The following NBEA variants were observed in gnomAD, a reference collection of about 807,000 sequenced individuals.
The protein encoded by NBEA is neurobeachin, also known as lysosomal-trafficking regulator 2.
A neutral mutation model predicts 343.4 loss-of-function variants in NBEA; 44 were observed. That is an observed-to-expected ratio of 0.13 (90% confidence interval 0.10 to 0.16). The LOEUF is 0.16. Among genes scored for constraint, NBEA ranks in the 10% least tolerant of loss-of-function variants. NBEA has a pLI of 1.00. For synonymous variants in NBEA, 1,175 were observed against 1,238.7 expected (o/e 0.95, Z 1.08); for missense variants, 2,555 against 3,631.3 (o/e 0.70, Z 7.62).
intron 51 of NBEA, among the ~76,000 whole-genome samples, chr13:35,647,893 T>A (rs1201668922): frequency 6.6e-6 from 1 of 152,050 alleles, no homozygotes; most frequent in Non-Finnish European, 1.5e-5. Flanking sequence ...AATTTTTTTT[T>A]AAGATAGGGT....
intron 38 of NBEA, among the ~76,000 whole-genome samples, chr13:35,371,727 T>C (rs966894874): frequency 6.6e-6 from 1 of 152,204 alleles, no homozygotes; most frequent in Admixed American, 6.5e-5. Flanking sequence ...CTGGTATAAT[T>C]GATGCTACTT....
rs2034553841 is a variant in NBEA at position 35,275,965 on chromosome 13, C to T, written c.5777-14424C>T. On this transcript the variant is annotated intron_variant, in intron 34 of 58. Transcript: ENST00000379939. ...TATATACCTATGTAACAAACCTGCA[C>T]GTTGTGTACCTGTACCCTAGAACTT... Among the ~76,000 whole-genome samples the T allele has an allele frequency of 2.0e-5, 3 of 151,964 alleles. No individual in the cohort carries two copies. The South Asian group carries it at 6.2e-4, about 32-fold the overall frequency.
intron 41 of NBEA, among the ~76,000 whole-genome samples, chr13:35,492,824 GA>G (rs1337361941): frequency 1.3e-5 from 2 of 151,834 alleles, no homozygotes. Context: ...TAAGCTTCAA[GA>G]AGGGACTTAG....
At chr13:35,320,321 T>C (rs958958130) in intron 36 of NBEA, among the ~76,000 whole-genome samples, 1 of 152,248 alleles carries the variant, frequency 6.6e-6, no homozygotes, top group African/African-American at 2.4e-5. Flanking sequence ...CATTTGCTTT[T>C]CTGTAAAGGA....
intron 18 of NBEA, among the ~76,000 whole-genome samples, chr13:35,147,325 A>G (rs1045170008): frequency 2.0e-5 from 3 of 152,218 alleles, no homozygotes; most frequent in Non-Finnish European, 4.4e-5. Flanking sequence ...TATCTCCCCA[A>G]GTTAACTCAA....
chr13:35,295,995 C>T (rs2036102693), intron 35 of NBEA, among the ~76,000 whole-genome samples: 1 of 152,146 alleles, frequency 6.6e-6, no homozygotes, highest in African/African-American at 2.4e-5. Flanking sequence ...AATACTCACA[C>T]ATCACATAAC....
intron 36 of NBEA, among the ~76,000 whole-genome samples, chr13:35,330,817 G>T (rs1212245903): frequency 1.3e-5 from 2 of 151,982 alleles, no homozygotes; most frequent in Admixed American, 6.6e-5. Context: ...AGAGGGGAAA[G>T]TCTCTAGTGT....
At chr13:35,478,117 AG>A (rs1406199010) in intron 41 of NBEA, among the ~76,000 whole-genome samples, 2 of 152,230 alleles carry the variant, frequency 1.3e-5, no homozygotes. Context: ...GATATTCTTC[AG>A]GGCTCCCACT....
chr13:35,215,263 A>C (rs1593782331), intron 33 of NBEA, among the ~76,000 whole-genome samples: 1 of 151,700 alleles, frequency 6.6e-6, no homozygotes, highest in African/African-American at 2.4e-5. Context: ...TGAGTATTCA[A>C]ACTTTTGAAA....
intron 38 of NBEA, among the ~76,000 whole-genome samples, chr13:35,357,506 G>A (rs927917954): frequency 2.6e-5 from 4 of 151,930 alleles, no homozygotes; most frequent in African/African-American, 9.7e-5. Context: ...ATGTCCATGT[G>A]TTCTCATCAT....
At position 35,224,912 on chromosome 13, in the gene NBEA, G is replaced by A. The variant is rs1175725125; in HGVS notation, c.5649-7580G>A. ...CCTTATGCTAAGGCTTTTGTGAGAG[G>A]GGTTGAGTCATTTTAGTCTGGAATT... is the stretch of plus-strand genomic sequence containing the variant. On this transcript the variant is annotated intron_variant, in intron 33 of 58. Coordinates refer to ENST00000379939, the MANE Select transcript of NBEA (RefSeq NM_001385012.1). 6.6e-5 allele frequency among the ~76,000 whole-genome samples: 10 copies of A among 152,090 alleles called. No homozygotes were observed. In the East Asian group the frequency reaches 1.9e-3, roughly 29 times the overall value.
intron 35 of NBEA, among the ~76,000 whole-genome samples, chr13:35,297,118 T>C (rs2036185350): frequency 6.6e-6 from 1 of 152,064 alleles, no homozygotes; most frequent in Non-Finnish European, 1.5e-5. Context: ...GCATTCTCTC[T>C]TTTTTACATG....
At chr13:35,624,685 A>T (rs181964723) in intron 48 of NBEA, among the ~76,000 whole-genome samples, 61 of 152,206 alleles carry the variant, frequency 4.0e-4, no homozygotes, top group African/African-American at 1.3e-3. Flanking sequence ...AGAAATGAAA[A>T]ATATAGAAAG....
intron 40 of NBEA, among the ~76,000 whole-genome samples, chr13:35,467,366 G>A (rs893361550): frequency 6.6e-6 from 1 of 152,036 alleles, no homozygotes; most frequent in Non-Finnish European, 1.5e-5. Context: ...CAGCTCCTTG[G>A]GAGGCCGAGG....
intron 1 of NBEA, among the ~76,000 whole-genome samples, chr13:35,010,753 T>TATATATATATATATATAAAA (rs2061467167): frequency 3.1e-5 from 1 of 32,634 alleles, no homozygotes; most frequent in African/African-American, 9.6e-5. Flanking sequence ...TATATATATA[T>TATATATATATATATATAAAA]ATATATATAT....
intron 1 of NBEA, among the ~76,000 whole-genome samples, chr13:34,972,948 G>T (rs2060046465): frequency 6.6e-6 from 1 of 152,146 alleles, no homozygotes; most frequent in African/African-American, 2.4e-5. Flanking sequence ...TTCTCGTGCT[G>T]ATTCTTTCTC....
chr13:35,223,472 C>T (rs1003750392), intron 33 of NBEA, among the ~76,000 whole-genome samples: 9 of 152,270 alleles, frequency 5.9e-5, no homozygotes, highest in South Asian at 2.1e-4. Flanking sequence ...TTTCTTCTGG[C>T]TTGCACAGAT....
At chr13:35,092,405 A>G (rs185012917) in intron 10 of NBEA, among the ~76,000 whole-genome samples, 14 of 152,028 alleles carry the variant, frequency 9.2e-5, no homozygotes, top group African/African-American at 3.1e-4. Context: ...AACTTTTGCT[A>G]TGCTAAAGAT....
intron 47 of NBEA, among the ~76,000 whole-genome samples, chr13:35,597,424 T>C (rs1307861469): frequency 1.3e-5 from 2 of 152,164 alleles, no homozygotes; most frequent in African/African-American, 2.4e-5. Context: ...AATTTATCAA[T>C]GGGAAGAGAG....
Sources: allele counts gnomAD v4.1 joint callset (sites outside exome capture counted in the v4.1 genomes callset), GRCh38; gene constraint gnomAD v4.1.1; transcripts MANE v1.5; gene names NCBI Gene and HGNC (gene_info 2026-07-23, HGNC 2026-07-21).